Variants in TEX26 observed in about 807,000 individuals in gnomAD.
The protein encoded by TEX26 is testis-expressed protein 26.
Under a neutral mutation model 35.3 loss-of-function variants are expected in TEX26, and 34 were observed. That is an observed-to-expected ratio of 0.96 (90% confidence interval 0.73 to 1.28). The LOEUF (loss-of-function observed/expected upper bound fraction) is 1.28. Among genes scored for constraint, TEX26 ranks in the 50% most tolerant of loss-of-function variants. The pLI, the probability that TEX26 is intolerant of heterozygous loss-of-function variation, is 0.00. For synonymous variants in TEX26, 136 were observed against 111.8 expected (o/e 1.22, Z -1.36); for missense variants, 371 against 330.1 (o/e 1.12, Z -0.96).
intron 2 of TEX26, among the ~76,000 whole-genome samples, chr13:30,951,927 A>T (rs1331773065): frequency 1.6e-5 from 2 of 123,794 alleles, no homozygotes; most frequent in Non-Finnish European, 3.3e-5. Context: ...ATCTTTAAAA[A>T]AAAAGAGAGA....
intron 2 of TEX26, among the ~76,000 whole-genome samples, chr13:30,943,418 T>G (rs1953587049): frequency 6.6e-6 from 1 of 152,022 alleles, no homozygotes; most frequent in South Asian, 2.1e-4. Flanking sequence ...AACAGCAATA[T>G]TTTGACTTTC....
chr13:30,940,964 A>G (rs916425716), intron 2 of TEX26, among the ~76,000 whole-genome samples: 4 of 152,130 alleles, frequency 2.6e-5, no homozygotes, highest in African/African-American at 4.8e-5. Context: ...CAAAAATTTC[A>G]TCTTAAAAGC....
At chr13:30,955,837 C>T (rs907491177) in intron 3 of TEX26, among the ~76,000 whole-genome samples, 16 of 152,038 alleles carry the variant, frequency 1.1e-4, no homozygotes, top group African/African-American at 2.4e-4. Flanking sequence ...GCTCCCCTCC[C>T]GTCACAGCAT....
At chr13:30,974,735 T>G (rs745812280) in intron 6 of TEX26, 111 bp from the exon 7 acceptor site, 14 of 1,100,970 alleles carry the variant, frequency 1.3e-5, no homozygotes, top group Middle Eastern at 5.5e-4. Context: ...CTTACCAAAT[T>G]TGTGTATTTA....
rs1333321731 is a variant in TEX26 at position 30,932,888 on chromosome 13, G to A, written c.61+112G>A. ...ATTTAAGGGTGTGGCATCGCTCTTA[G>A]GAGTATGCTCAACTGAGGAAAAGAC... On this transcript the variant is annotated intron_variant, in intron 1 of 6. Coordinates refer to ENST00000380473, the MANE Select transcript of TEX26 (RefSeq NM_152325.3). 1.5e-5 allele frequency: 18 copies of A among 1,213,744 alleles called. No homozygotes were observed. The Middle Eastern group carries it at 1.3e-3, about 91-fold the overall frequency. 75.2% of individuals were successfully genotyped at this position (1,213,744 alleles called of 1,614,324 possible).
At chr13:30,950,178 G>C (rs1034085978) in intron 2 of TEX26, among the ~76,000 whole-genome samples, 7 of 152,308 alleles carry the variant, frequency 4.6e-5, no homozygotes, top group Non-Finnish European at 5.9e-5. Context: ...GGCCAAGGCG[G>C]GTAGGTCACC....
chr13:30,947,780 G>A (rs1045263459), intron 2 of TEX26, among the ~76,000 whole-genome samples: 2 of 151,896 alleles, frequency 1.3e-5, no homozygotes, highest in African/African-American at 4.8e-5. Context: ...GGGTACATGT[G>A]CACAATGTAC....
Position 30,952,793 on chromosome 13 carries a change from G to A in TEX26, c.280G>A (p.Gly94Arg). ...EDLIKTETSR[G>R]IKSHKSHLNE... The stretch of plus-strand genomic sequence containing the variant: ...TTTGATCAAAACTGAGACTTCAAGA[G>A]GAATCAAGAGCCACAAATCTCATCT... Residue 94 changes from glycine (G) to arginine (R), a missense_variant, in exon 3 of 7, where the codon GGA becomes AGA. Physicochemically the swap from Gly to Arg is moderately radical, Grantham distance 125. Transcript: ENST00000380473. 6.2e-7 allele frequency: 1 copy of A among 1,612,740 alleles called. No individual in the cohort carries two copies. Among genetic ancestry groups the A allele is most frequent in the South Asian group, 1.1e-5 (1 of 90,820 alleles).
intron 3 of TEX26, among the ~76,000 whole-genome samples, chr13:30,954,378 ATATATATCTAAAT>A (rs1301314538): frequency 1.6e-5 from 2 of 128,206 alleles, no homozygotes; most frequent in Non-Finnish European, 3.4e-5. Context: ...CTCTAAAAAT[ATATATATCTAAAT>A]TATATATTTA....
rs540559669 is a variant in TEX26, at chr13:30,966,144, T to G, written c.470-78T>G. The G allele has an allele frequency of 4.3e-5, 66 of 1,525,402 alleles. No individual in the cohort carries two copies. The Admixed American group carries it at 6.7e-4, about 16-fold the overall frequency. 94.5% of individuals were successfully genotyped at this position (1,525,402 alleles called of 1,614,324 possible). ...TCATACAGGGCACATTGACCATACC[T>G]CTAAACACAGCAAGAGTGGGTTTAG... On this transcript the variant is annotated intron_variant, in intron 4 of 6. Transcript: ENST00000380473.
intron 2 of TEX26, among the ~76,000 whole-genome samples, chr13:30,952,388 T>G (rs1953960188): frequency 6.6e-6 from 1 of 152,088 alleles, no homozygotes; most frequent in African/African-American, 2.4e-5. Context: ...TATTGGAGAG[T>G]GTTCAGCTCT....
chr13:30,949,404 T>C (rs902631555), intron 2 of TEX26, among the ~76,000 whole-genome samples: 2 of 152,136 alleles, frequency 1.3e-5, no homozygotes, highest in African/African-American at 4.8e-5. Flanking sequence ...TCAGTCCTTG[T>C]TGTTCAAATC....
chr13:30,952,795 A>T lies in TEX26; in HGVS notation c.282A>T (p.Gly94=), dbSNP rs1219718035. 3.7e-6 allele frequency: 6 copies of T among 1,613,114 alleles called. No individual in the cohort carries two copies. The highest frequency in any genetic ancestry group is 5.1e-6 in the Non-Finnish European group (6 of 1,179,548). The change falls in exon 3 of 7, where the codon GGA becomes GGT. Residue 94 remains glycine (G), a synonymous_variant. Coordinates refer to ENST00000380473, the MANE Select transcript of TEX26 (RefSeq NM_152325.3). ...TGATCAAAACTGAGACTTCAAGAGGAATCAAGAGCCACAAATCTCATCTCA... is the reference window on the plus strand; with the variant it reads ...TGATCAAAACTGAGACTTCAAGAGGTATCAAGAGCCACAAATCTCATCTCA... The part of the protein sequence containing the change: ...EDLIKTETSR[G]IKSHKSHLNE...
intron 2 of TEX26, among the ~76,000 whole-genome samples, chr13:30,951,325 C>A (rs996412165): frequency 6.7e-6 from 1 of 150,158 alleles, no homozygotes; most frequent in African/African-American, 2.5e-5. Flanking sequence ...CACTGCACTC[C>A]AGCCTAGGCA....
intron 3 of TEX26, among the ~76,000 whole-genome samples, chr13:30,954,398 T>G (rs1410722044): frequency 1.4e-5 from 2 of 147,994 alleles, no homozygotes; most frequent in Non-Finnish European, 3.0e-5. Context: ...AAATTATATA[T>G]TTAATATATA....
chr13:30,946,705 T>C (rs1225361745), intron 2 of TEX26, among the ~76,000 whole-genome samples: 2 of 152,172 alleles, frequency 1.3e-5, no homozygotes, highest in East Asian at 3.9e-4. Flanking sequence ...AGGGGTGAAG[T>C]CTGCATAAGT....
chr13:30,974,131 A>AAAAAAAT, intron 6 of TEX26, among the ~76,000 whole-genome samples: 8,581 of 84,068 alleles, frequency 0.1, 635 homozygotes, highest in Non-Finnish European at 0.12. Context: ...AAAAAAAAAA[A>AAAAAAAT]ATATATATAT....
intron 2 of TEX26, among the ~76,000 whole-genome samples, chr13:30,949,043 A>C (rs1029617286): frequency 1.3e-5 from 2 of 152,162 alleles, no homozygotes; most frequent in African/African-American, 4.8e-5. Flanking sequence ...CAAAGATCAG[A>C]TAGCTGTAGA....
intron 1 of TEX26, chr13:30,933,025 A>G (rs925691107): frequency 7.1e-6 from 3 of 425,450 alleles, no homozygotes; most frequent in Non-Finnish European, 8.4e-6. Flanking sequence ...TAAACACTCG[A>G]GGAAGTGCCT....
Sources: gnomAD v4.1 joint callset for allele counts (sites outside exome capture counted in the v4.1 genomes callset) on GRCh38, gnomAD v4.1.1 for gene constraint, MANE v1.5 for transcripts, NCBI Gene and HGNC (gene_info 2026-07-23, HGNC 2026-07-21) for gene names.